Variants in ZFPM2 observed in about 807,000 individuals in gnomAD.
The protein encoded by ZFPM2 is zinc finger protein, FOG family member 2.
Under a neutral mutation model 98.6 loss-of-function variants are expected in ZFPM2, and 20 were observed. That is an observed-to-expected ratio of 0.20 (90% CI 0.14 to 0.29). The LOEUF (loss-of-function observed/expected upper bound fraction) is 0.29, where lower values mean the gene tolerates loss of function less well. Among genes scored for constraint, ZFPM2 ranks in the 10% least tolerant of loss-of-function variants. ZFPM2 has a pLI of 1.00. For synonymous variants in ZFPM2, 518 were observed against 502.7 expected (o/e 1.03, Z -0.41); for missense variants, 1,310 against 1,388.6 (o/e 0.94, Z 0.90).
At chr8:105,625,950 A>C (rs1816644911) in intron 4 of ZFPM2, among the ~76,000 whole-genome samples, 1 of 151,052 alleles carries the variant, frequency 6.6e-6, no homozygotes, top group Non-Finnish European at 1.5e-5. Flanking sequence ...TATGTAGTTT[A>C]AAATGACACT....
intron 5 of ZFPM2, among the ~76,000 whole-genome samples, chr8:105,785,813 C>A (rs747553681): frequency 6.6e-6 from 1 of 151,984 alleles, no homozygotes; most frequent in East Asian, 1.9e-4. Context: ...GAGGCCGAGG[C>A]GGGTGGATCA....
At chr8:105,513,517 G>C (rs893779592) in intron 3 of ZFPM2, among the ~76,000 whole-genome samples, 2 of 152,072 alleles carry the variant, frequency 1.3e-5, no homozygotes, top group African/African-American at 2.4e-5. Flanking sequence ...GTAGAATAAG[G>C]CAAACTGGAG....
intron 4 of ZFPM2, among the ~76,000 whole-genome samples, chr8:105,608,393 C>T (rs1325263322): frequency 6.6e-6 from 1 of 152,096 alleles, no homozygotes; most frequent in African/African-American, 2.4e-5. Flanking sequence ...CCTTCTTTTA[C>T]ACTTCTGATC....
At chr8:105,686,038 C>T (rs1810725205) in intron 5 of ZFPM2, among the ~76,000 whole-genome samples, 1 of 152,042 alleles carries the variant, frequency 6.6e-6, no homozygotes, top group South Asian at 2.1e-4. Flanking sequence ...CTGAGAGAAA[C>T]TGAGACTATC....
At chr8:105,595,178 G>A (rs962184760) in intron 4 of ZFPM2, among the ~76,000 whole-genome samples, 2 of 152,106 alleles carry the variant, frequency 1.3e-5, no homozygotes, top group Non-Finnish European at 2.9e-5. Context: ...ACTTGCATTG[G>A]CAAGAATAAG....
chr8:105,419,049 C>T, intron 1 of ZFPM2, 95 bp from the exon 2 acceptor site: 2 of 1,168,488 alleles, frequency 1.7e-6, no homozygotes, highest in Non-Finnish European at 2.4e-6. Flanking sequence ...TATTATTTTT[C>T]TCACCACTGT....
intron 3 of ZFPM2, among the ~76,000 whole-genome samples, chr8:105,526,497 T>C (rs1814176448): frequency 6.6e-6 from 1 of 152,178 alleles, no homozygotes; most frequent in Non-Finnish European, 1.5e-5. Flanking sequence ...TGAAATCATT[T>C]TTTTCCTCCT....
At chr8:105,492,999 G>A (rs929441828) in intron 3 of ZFPM2, among the ~76,000 whole-genome samples, 12 of 152,090 alleles carry the variant, frequency 7.9e-5, no homozygotes, top group African/African-American at 2.7e-4. Context: ...ACTCAGTTTT[G>A]TTAGACTCTA....
chr8:105,721,316 A>G (rs980465710), intron 5 of ZFPM2, among the ~76,000 whole-genome samples: 11 of 151,986 alleles, frequency 7.2e-5, no homozygotes, highest in African/African-American at 2.7e-4. Context: ...TCCACTGTTC[A>G]CATATCCCAG....
At chr8:105,384,997 C>T (rs1447859353) in intron 1 of ZFPM2, among the ~76,000 whole-genome samples, 1 of 152,150 alleles carries the variant, frequency 6.6e-6, no homozygotes, top group East Asian at 1.9e-4. Context: ...TCATTATTGT[C>T]TCTGTTTTAT....
At chr8:105,788,979 G>GA (rs1813508287) in intron 6 of ZFPM2, 55 bp downstream of exon 6, 4 of 1,408,466 alleles carry the variant, frequency 2.8e-6, no homozygotes, top group South Asian at 3.2e-5. Flanking sequence ...ATTTATGGGA[G>GA]AAAAAAATGT....
At chr8:105,445,898 C>A (rs997764171) in intron 3 of ZFPM2, among the ~76,000 whole-genome samples, 1 of 151,496 alleles carries the variant, frequency 6.6e-6, no homozygotes, top group Non-Finnish European at 1.5e-5. Flanking sequence ...CTGCACCCAG[C>A]CTCTTACAGT....
chr8:105,416,248 A>T (rs1586356351), intron 1 of ZFPM2, among the ~76,000 whole-genome samples: 1 of 151,700 alleles, frequency 6.6e-6, no homozygotes, highest in African/African-American at 2.4e-5. Context: ...ACATTTTCCC[A>T]TGAGCATTTC....
At position 105,360,772 on chromosome 8, in the gene ZFPM2, T is replaced by C. The variant is rs374464456; in HGVS notation, c.40+41791T>C. Among the ~76,000 whole-genome samples, 495 of 144,002 alleles carry C rather than the reference T, an allele frequency of 3.4e-3. 2 individuals are homozygous for C. The highest frequency in any genetic ancestry group is 0.012 in the African/African-American group (457 of 38,650). 94.5% of individuals were successfully genotyped at this position (144,002 alleles called of 152,430 possible). On this transcript the variant is annotated intron_variant, in intron 1 of 7. Coordinates refer to ENST00000407775, the MANE Select transcript of ZFPM2 (RefSeq NM_012082.4). ...GTTTACTGAGAATGATGATTTCCAA[T>C]TTCATCCATGTCCCTACAAAGGACA...
intron 1 of ZFPM2, among the ~76,000 whole-genome samples, chr8:105,417,877 G>C (rs920681685): frequency 6.6e-6 from 1 of 151,948 alleles, no homozygotes; most frequent in Non-Finnish European, 1.5e-5. Context: ...TTTTGAAAAA[G>C]GAAAGGTAAA....
chr8:105,426,899 A>G (rs1184073775), intron 2 of ZFPM2, among the ~76,000 whole-genome samples: 2 of 152,138 alleles, frequency 1.3e-5, no homozygotes, highest in Admixed American at 6.5e-5. Context: ...GGAGGTTGCC[A>G]TGAGCCCAGA....
At chr8:105,778,538 A>G (rs1813162750) in intron 5 of ZFPM2, among the ~76,000 whole-genome samples, 1 of 151,926 alleles carries the variant, frequency 6.6e-6, no homozygotes, top group Non-Finnish European at 1.5e-5. Flanking sequence ...TAAATGGCCT[A>G]TTCCCCCAGA....
chr8:105,560,648 C>G (rs1815114888), intron 3 of ZFPM2, among the ~76,000 whole-genome samples: 2 of 149,836 alleles, frequency 1.3e-5, no homozygotes, highest in South Asian at 2.2e-4. Flanking sequence ...ATTTCTTAAG[C>G]AAGCATTTAA....
At chr8:105,561,651 G>T (rs1301195681) in intron 4 of ZFPM2, among the ~76,000 whole-genome samples, 170 bp downstream of exon 4, 1 of 152,150 alleles carries the variant, frequency 6.6e-6, no homozygotes, top group Non-Finnish European at 1.5e-5. Flanking sequence ...GTTTGTGTCT[G>T]ACAGTAATAT....
Sources: gnomAD v4.1 joint callset for allele counts (sites outside exome capture counted in the v4.1 genomes callset) on GRCh38, gnomAD v4.1.1 for gene constraint, MANE v1.5 for transcripts, NCBI Gene and HGNC (gene_info 2026-07-23, HGNC 2026-07-21) for gene names.